CACNB2: variants seen among roughly 807,000 people sequenced by gnomAD.
CACNB2 encodes voltage-dependent L-type calcium channel subunit beta-2.
A neutral mutation model predicts 73.3 loss-of-function variants in CACNB2; 42 were observed. The observed-to-expected ratio is 0.57, with a 90% CI of 0.45 to 0.74. The LOEUF (loss-of-function observed/expected upper bound fraction) is 0.74, where lower values mean the gene tolerates loss of function less well. Ranked by LOEUF, CACNB2 falls within the 30% of genes least tolerant of loss-of-function variation. CACNB2 has a pLI of 0.00. For missense variants in CACNB2, 940 were observed against 853.0 expected, an observed-to-expected ratio of 1.10 and a Z score of -1.27; for synonymous variants, 348 against 310.3, an observed-to-expected ratio of 1.12 and a Z score of -1.28.
At chr10:18,502,526 T>TAAAA (rs113303130) in intron 5 of CACNB2, among the ~76,000 whole-genome samples, 1 of 132,038 alleles carries the variant, frequency 7.6e-6, no homozygotes, top group African/African-American at 2.8e-5. Flanking sequence ...CCGTCTCTAC[T>TAAAA]AAAAAAAAAA....
At chr10:18,432,831 T>TA (rs970984833) in intron 3 of CACNB2, among the ~76,000 whole-genome samples, 1 of 113,170 alleles carries the variant, frequency 8.8e-6, no homozygotes, top group Non-Finnish European at 1.7e-5. Flanking sequence ...CAGCCCTGTC[T>TA]AAAAAAACAA....
intron 2 of CACNB2, 40 bp downstream of exon 2, chr10:18,151,015 A>C: frequency 8.1e-7 from 1 of 1,236,382 alleles, no homozygotes; most frequent in Non-Finnish European, 1.2e-6. Context: ...AGTACCTTAA[A>C]ATGACTTTAG....
chr10:18,325,685 C>CCCTCCCTCCCTT (rs1284618989), intron 2 of CACNB2, among the ~76,000 whole-genome samples: 7 of 75,694 alleles, frequency 9.2e-5, no homozygotes, highest in Non-Finnish European at 2.0e-4. Context: ...TTCCCTCCCT[C>CCCTCCCTCCCTT]CCTCCCTTCC....
intron 3 of CACNB2, among the ~76,000 whole-genome samples, chr10:18,447,729 A>T (rs1375221006): frequency 6.6e-6 from 1 of 152,068 alleles, no homozygotes; most frequent in African/African-American, 2.4e-5. Context: ...AAAAAAAAAA[A>T]GGCATGAACA....
At chr10:18,390,809 C>A (rs1456963757) in intron 2 of CACNB2, among the ~76,000 whole-genome samples, 1 of 152,182 alleles carries the variant, frequency 6.6e-6, no homozygotes, top group Non-Finnish European at 1.5e-5. Flanking sequence ...TCGCAACCAT[C>A]TGTAAGAAAA....
chr10:18,437,573 C>T (rs962589266), intron 3 of CACNB2, among the ~76,000 whole-genome samples: 12 of 152,156 alleles, frequency 7.9e-5, no homozygotes, highest in African/African-American at 2.2e-4. Context: ...TCATTCTCCA[C>T]GCATTTCACT....
intron 7 of CACNB2, among the ~76,000 whole-genome samples, chr10:18,516,697 A>C (rs538003058): frequency 6.6e-6 from 1 of 152,252 alleles, no homozygotes; most frequent in African/African-American, 2.4e-5. Context: ...TCAATGTAGA[A>C]TTCAAAAACA....
At chr10:18,488,472 C>G (rs1159469872) in intron 3 of CACNB2, among the ~76,000 whole-genome samples, 4 of 38,020 alleles carry the variant, frequency 1.1e-4, no homozygotes, top group African/African-American at 4.3e-4. Flanking sequence ...GAGACTCCAT[C>G]TCAAAAAAAA....
intron 2 of CACNB2, among the ~76,000 whole-genome samples, chr10:18,384,418 C>G (rs1158087115): frequency 6.6e-6 from 1 of 152,074 alleles, no homozygotes; most frequent in Admixed American, 6.6e-5. Flanking sequence ...TTAAATGTCT[C>G]TTTTTAAAGT....
intron 2 of CACNB2, among the ~76,000 whole-genome samples, chr10:18,227,599 G>A (rs1052578613): frequency 2.0e-5 from 3 of 152,126 alleles, no homozygotes; most frequent in Non-Finnish European, 2.9e-5. Context: ...TTTATTGAGG[G>A]AACTTAACAA....
chr10:18,498,552 T>C, intron 4 of CACNB2, 75 bp downstream of exon 4: 5 of 1,487,510 alleles, frequency 3.4e-6, no homozygotes, highest in Admixed American at 1.7e-5. Flanking sequence ...CCTATTCATA[T>C]GCCGTTTCTG....
rs182789261 is a variant in CACNB2, at chr10:18,179,178, T to A, written c.213+28203T>A. Among the ~76,000 whole-genome samples, 835 of 152,334 alleles carry A rather than the reference T, an allele frequency of 5.5e-3. 5 individuals carry two copies. Among genetic ancestry groups the A allele is most frequent in the African/African-American group, 0.019 (789 of 41,574 alleles). Reference sequence around the variant, plus strand: ...AACTTTAATTTTTTTCTACTTTTTTTAGCAAAAGGAATAACCCTTTAGCAG... The same window carrying A: ...AACTTTAATTTTTTTCTACTTTTTTAAGCAAAAGGAATAACCCTTTAGCAG... On this transcript the variant is annotated intron_variant, in intron 2 of 13. Coordinates refer to ENST00000324631, the MANE Select transcript of CACNB2 (RefSeq NM_201596.3).
At chr10:18,306,323 T>G (rs1005592561) in intron 2 of CACNB2, among the ~76,000 whole-genome samples, 3 of 152,146 alleles carry the variant, frequency 2.0e-5, no homozygotes, top group Non-Finnish European at 4.4e-5. Flanking sequence ...AGAACAAATT[T>G]CTGGAGAAAG....
chr10:18,262,481 A>G (rs1403091976), intron 2 of CACNB2, among the ~76,000 whole-genome samples: 1 of 152,336 alleles, frequency 6.6e-6, no homozygotes, highest in Non-Finnish European at 1.5e-5. Flanking sequence ...TTGACATATC[A>G]GAAATCAATG....
chr10:18,469,192 A>T (rs2048052347), intron 3 of CACNB2, among the ~76,000 whole-genome samples: 1 of 152,058 alleles, frequency 6.6e-6, no homozygotes, highest in Non-Finnish European at 1.5e-5. Context: ...GTGAGCTATG[A>T]GTGCACCACT....
At chr10:18,536,076 G>GTTAA (rs1370120309) in intron 11 of CACNB2, 25 bp from the exon 12 acceptor site, 1 of 1,404,968 alleles carries the variant, frequency 7.1e-7, no homozygotes, top group Non-Finnish European at 1.0e-6. Flanking sequence ...TTATTACTCT[G>GTTAA]TTAAAAACTC....
At chr10:18,160,645 C>G (rs1263301509) in intron 2 of CACNB2, among the ~76,000 whole-genome samples, 1 of 152,124 alleles carries the variant, frequency 6.6e-6, no homozygotes, top group African/African-American at 2.4e-5. Context: ...TTTAGGAGTA[C>G]TACTGAAGAT....
At chr10:18,169,947 A>C (rs962130062) in intron 2 of CACNB2, among the ~76,000 whole-genome samples, 5 of 152,186 alleles carry the variant, frequency 3.3e-5, no homozygotes, top group African/African-American at 1.2e-4. Context: ...ATGTCTTTCC[A>C]TCTCTGGCCT....
intron 2 of CACNB2, among the ~76,000 whole-genome samples, chr10:18,306,639 G>C (rs140253868): frequency 9.2e-5 from 14 of 152,318 alleles, no homozygotes; most frequent in African/African-American, 3.1e-4. Flanking sequence ...CCAGCAATTT[G>C]CAGTAACCCC....
Sources: allele counts gnomAD v4.1 joint callset (sites outside exome capture counted in the v4.1 genomes callset), GRCh38; gene constraint gnomAD v4.1.1; transcripts MANE v1.5; gene names NCBI Gene and HGNC (gene_info 2026-07-23, HGNC 2026-07-21).